IFNLR1: variants seen among roughly 807,000 people sequenced by gnomAD.
IFNLR1 encodes CRF2-12.
Under a neutral mutation model 52.5 loss-of-function variants are expected in IFNLR1, and 28 were observed. The observed-to-expected ratio is 0.53, with a 90% CI of 0.40 to 0.73. IFNLR1 has a LOEUF of 0.73. Ranked by LOEUF, IFNLR1 falls within the 30% of genes least tolerant of loss-of-function variation. The probability of loss-of-function intolerance (pLI) is 0.00; values close to 1 mark genes in which losing one functional copy is unlikely to be tolerated. For synonymous variants in IFNLR1, 276 were observed against 274.9 expected (o/e 1.00, Z -0.04); for missense variants, 623 against 659.1 (o/e 0.95, Z 0.60).
At chr1:24,179,505 C>G (rs535242557) in intron 2 of IFNLR1, among the ~76,000 whole-genome samples, 36 of 152,332 alleles carry the variant, frequency 2.4e-4, no homozygotes, top group African/African-American at 8.7e-4. Context: ...CTCTTGCAGT[C>G]TGTCCCTGCT....
intron 2 of IFNLR1, among the ~76,000 whole-genome samples, chr1:24,174,864 A>G (rs758598375): frequency 2.7e-5 from 4 of 149,962 alleles, no homozygotes; most frequent in Non-Finnish European, 5.9e-5. Flanking sequence ...GCCTATCCAC[A>G]TTGCAAAAAA....
chr1:24,170,707 G>A (rs1644570362), intron 2 of IFNLR1, among the ~76,000 whole-genome samples: 1 of 152,214 alleles, frequency 6.6e-6, no homozygotes. Flanking sequence ...GGAGGCCATG[G>A]TAGGGATGTG....
Position 24,161,694 on chromosome 1 carries a change from CAG to C in IFNLR1, c.368-12_368-11del. 1 of 1,478,560 alleles carries C rather than the reference CAG, an allele frequency of 6.8e-7. No homozygotes were observed. Among genetic ancestry groups the C allele is most frequent in the Non-Finnish European group, 9.0e-7 (1 of 1,108,090 alleles). 91.6% of individuals were successfully genotyped at this position (1,478,560 alleles called of 1,614,324 possible). On this transcript the variant is annotated splice_polypyrimidine_tract_variant and intron_variant, in intron 3 of 6. Coordinates refer to ENST00000327535, the MANE Select transcript of IFNLR1 (RefSeq NM_170743.4). ...GGTGGGGCCGGCTCCACTGCAGAAA[CAG>C]AGCAGGACCTGTCAGTAATCCCGAG...
chr1:24,173,091 T>C (rs1569674292), intron 2 of IFNLR1, among the ~76,000 whole-genome samples: 1 of 141,366 alleles, frequency 7.1e-6, no homozygotes. Context: ...ACACCTGATA[T>C]ACTGGATTTT....
intron 3 of IFNLR1, among the ~76,000 whole-genome samples, chr1:24,164,591 C>T (rs571618332): frequency 6.6e-6 from 1 of 152,252 alleles, no homozygotes; most frequent in East Asian, 1.9e-4. Flanking sequence ...CAATGCTGTT[C>T]AGCTTCCTAG....
intron 5 of IFNLR1, 134 bp downstream of exon 5, chr1:24,159,340 T>C: frequency 2.4e-6 from 3 of 1,237,830 alleles, no homozygotes; most frequent in East Asian, 2.4e-5. Flanking sequence ...TTATGTAAGC[T>C]GCCCAAAGAC....
At position 24,162,789 on chromosome 1, in the gene IFNLR1, T is replaced by TTTTCTTTCTTTTTTTC. The variant is rs1557643988; in HGVS notation, c.368-1106_368-1105insGAAAAAAAGAAAGAAA. 1.3e-4 allele frequency among the ~76,000 whole-genome samples: 10 copies of TTTTCTTTCTTTTTTTC among 79,150 alleles called. 1 individual carries two copies. The highest frequency in any genetic ancestry group is 2.7e-4 in the Non-Finnish European group (10 of 37,586). 51.9% of individuals were successfully genotyped at this position (79,150 alleles called of 152,430 possible). A position where few individuals can be genotyped will look rare whatever the true frequency, so the allele number is the denominator to read the frequency against. ...CTTTCTTTCTTTCTTTTTCTTTCTT[T>TTTTCTTTCTTTTTTTC]TTCTTTCTTTCTTTTTTCTTTCTTT... On this transcript the variant is annotated intron_variant, in intron 3 of 6. Coordinates refer to ENST00000327535, the MANE Select transcript of IFNLR1 (RefSeq NM_170743.4).
chr1:24,180,972 G>A lies in IFNLR1; in HGVS notation c.59-118C>T, dbSNP rs1475643940. 1.6e-5 allele frequency: 17 copies of A among 1,059,610 alleles called. No homozygotes were observed. The East Asian group carries it at 4.5e-4, about 28-fold the overall frequency. The allele number at this position is 1,059,610 out of a possible 1,614,324, so 65.6% of individuals were successfully genotyped here. A position where few individuals can be genotyped will look rare whatever the true frequency, so the allele number is the denominator to read the frequency against. On this transcript the variant is annotated intron_variant, in intron 1 of 6. Coordinates refer to ENST00000327535, the MANE Select transcript of IFNLR1 (RefSeq NM_170743.4). ...GGTGCTCACTGAGTTTGAGGAACCA[G>A]GAGCCACTGACTGGCTGTACTGCAG...
At chr1:24,166,176 C>CCCATCCATCCATCCAT (rs143399355) in intron 3 of IFNLR1, among the ~76,000 whole-genome samples, 1,842 of 149,438 alleles carry the variant, frequency 0.012, 41 homozygotes, top group African/African-American at 0.043. Context: ...TCCTTTCCTT[C>CCCATCCATCCATCCAT]CCATCCATCC....
chr1:24,158,228 A>G (rs528542227), intron 6 of IFNLR1, among the ~76,000 whole-genome samples: 1 of 152,210 alleles, frequency 6.6e-6, no homozygotes, highest in Non-Finnish European at 1.5e-5. Context: ...GGTGGCTGTG[A>G]CACTTGCAGC....
intron 3 of IFNLR1, among the ~76,000 whole-genome samples, chr1:24,165,194 A>G (rs1644505747): frequency 1.3e-5 from 2 of 152,230 alleles, no homozygotes; most frequent in South Asian, 4.1e-4. Flanking sequence ...AGAGGCAGGA[A>G]GAAACCAGGC....
intron 2 of IFNLR1, among the ~76,000 whole-genome samples, chr1:24,175,785 T>G (rs181802691): frequency 1.7e-3 from 257 of 152,012 alleles, no homozygotes; most frequent in African/African-American, 5.6e-3. Context: ...ATATAAAAAA[T>G]TAGCCAGGCG....
intron 1 of IFNLR1, 24 bp downstream of exon 1, chr1:24,187,167 C>T: frequency 2.9e-6 from 4 of 1,356,212 alleles, no homozygotes; most frequent in Non-Finnish European, 3.8e-6. Flanking sequence ...CTTCCCCCTC[C>T]CTCCCGCGGC....
intron 3 of IFNLR1, among the ~76,000 whole-genome samples, chr1:24,165,947 G>C (rs1414348541): frequency 1.3e-5 from 2 of 152,204 alleles, no homozygotes; most frequent in Non-Finnish European, 2.9e-5. Context: ...AAAGTGTGGA[G>C]GGAGTGTAAA....
chr1:24,159,737 G>GT (rs79165037), intron 4 of IFNLR1, 104 bp from the exon 5 acceptor site: 8,286 of 452,630 alleles, frequency 0.018, 48 homozygotes, highest in African/African-American at 0.076. Flanking sequence ...TTTTTTTTTT[G>GT]TTTTTTTTTT....
intron 3 of IFNLR1, among the ~76,000 whole-genome samples, chr1:24,164,269 G>T (rs1644495749): frequency 6.6e-6 from 1 of 152,156 alleles, no homozygotes; most frequent in South Asian, 2.1e-4. Context: ...TGAGCTTCTG[G>T]TTTCACCGTC....
At chr1:24,174,389 G>T (rs893477637) in intron 2 of IFNLR1, among the ~76,000 whole-genome samples, 2 of 152,244 alleles carry the variant, frequency 1.3e-5, no homozygotes, top group Admixed American at 6.5e-5. Flanking sequence ...AAATGTGGAA[G>T]TGGCTTTGGA....
Position 24,161,676 on chromosome 1 carries a change from C to G in IFNLR1, c.376G>C (p.Ala126Pro). The stretch of plus-strand genomic sequence containing the variant: ...TGGGTGAGCACCAGGACAGGTGGGG[C>G]CGGCTCCACTGCAGAAACAGAGCAG... ...YLDYLFEVEP[A>P]PPVLVLTQTE... The change falls in exon 4 of 7, where the codon GCC becomes CCC. Residue 126 changes from alanine (A) to proline (P), a missense_variant. By Grantham distance (27) the Ala-to-Pro change is conservative. Coordinates refer to ENST00000327535, the MANE Select transcript of IFNLR1 (RefSeq NM_170743.4). The G allele has an allele frequency of 6.7e-7, 1 of 1,502,764 alleles. No individual in the cohort carries two copies. The highest frequency in any genetic ancestry group is 8.9e-7 in the Non-Finnish European group (1 of 1,119,784). The allele number at this position is 1,502,764 out of a possible 1,614,324, so 93.1% of individuals were successfully genotyped here.
chr1:24,171,357 CA>C (rs1361222197), intron 2 of IFNLR1, among the ~76,000 whole-genome samples: 1 of 152,054 alleles, frequency 6.6e-6, no homozygotes, highest in East Asian at 1.9e-4. Context: ...GAACTATTAA[CA>C]AAATATTAAC....
Sources: allele counts gnomAD v4.1 joint callset (sites outside exome capture counted in the v4.1 genomes callset), GRCh38; gene constraint gnomAD v4.1.1; transcripts MANE v1.5; gene names NCBI Gene and HGNC (gene_info 2026-07-23, HGNC 2026-07-21).